Variants in COL23A1 observed in about 807,000 individuals in gnomAD.
COL23A1 encodes collagen alpha-1(XXIII) chain.
A neutral mutation model predicts 99.3 loss-of-function variants in COL23A1; 97 were observed. The observed-to-expected ratio is 0.98, with a 90% confidence interval of 0.83 to 1.16. The LOEUF (loss-of-function observed/expected upper bound fraction) is 1.16. COL23A1 is among the 50% of genes most tolerant of loss of function. COL23A1 has a pLI of 0.00. For synonymous variants in COL23A1, 320 were observed against 308.2 expected (o/e 1.04, Z -0.40); for missense variants, 762 against 757.4 (o/e 1.01, Z -0.07).
intron 2 of COL23A1, among the ~76,000 whole-genome samples, chr5:178,471,139 AAG>A (rs1352509273): frequency 1.3e-5 from 2 of 152,242 alleles, no homozygotes; most frequent in Non-Finnish European, 1.5e-5. Context: ...CAGAGCAGTT[AAG>A]AGAGAGTTAC....
At chr5:178,496,005 C>T (rs1327833949) in intron 2 of COL23A1, among the ~76,000 whole-genome samples, 1 of 152,106 alleles carries the variant, frequency 6.6e-6, no homozygotes, top group African/African-American at 2.4e-5. Flanking sequence ...ACCAGGCAGT[C>T]GAGCTCCAAA....
At chr5:178,506,834 T>C (rs1295510815) in intron 2 of COL23A1, among the ~76,000 whole-genome samples, 1 of 152,232 alleles carries the variant, frequency 6.6e-6, no homozygotes, top group Non-Finnish European at 1.5e-5. Context: ...TAGGTTTTAT[T>C]TGTGGTTCTT....
chr5:178,277,904 G>A (rs565792409), intron 5 of COL23A1, among the ~76,000 whole-genome samples: 1 of 152,312 alleles, frequency 6.6e-6, no homozygotes, highest in African/African-American at 2.4e-5. Flanking sequence ...CTTGACCCCC[G>A]TGGGGTGAGG....
chr5:178,309,598 C>T lies in COL23A1; in HGVS notation c.362-2679G>A, dbSNP rs904715055. Among the ~76,000 whole-genome samples the T allele has an allele frequency of 7.2e-5, 11 of 152,026 alleles. No individual in the cohort carries two copies. Among genetic ancestry groups the T allele is most frequent in the Non-Finnish European group, 1.5e-4 (10 of 67,994 alleles). Reference sequence around the variant, plus strand: ...CTAAATGTCCAACTCCACTGGGAGGCACCACTTCCAAACTCAAGCTCACCT... The same window carrying T: ...CTAAATGTCCAACTCCACTGGGAGGTACCACTTCCAAACTCAAGCTCACCT... On this transcript the variant is annotated intron_variant, in intron 2 of 28. Transcript: ENST00000390654. The surrounding 1 kb of genome is among the most constrained non-coding windows in gnomAD (Gnocchi z 4.7).
intron 3 of COL23A1, among the ~76,000 whole-genome samples, chr5:178,305,391 A>G (rs2127602437): frequency 7.8e-6 from 1 of 128,440 alleles, no homozygotes; most frequent in East Asian, 2.0e-4. Flanking sequence ...AAAACGTGCC[A>G]CTGCCTCCCC....
intron 2 of COL23A1, chr5:178,523,581 T>C (rs1368019500): frequency 6.6e-6 from 1 of 152,100 alleles, no homozygotes; most frequent in African/African-American, 2.4e-5. Context: ...TAGCCACAGA[T>C]GGAAATCTTC....
intron 2 of COL23A1, among the ~76,000 whole-genome samples, chr5:178,496,041 A>C (rs1373891273): frequency 1.3e-5 from 2 of 152,106 alleles, no homozygotes; most frequent in Non-Finnish European, 2.9e-5. Flanking sequence ...GCTTCATTTC[A>C]CCCCTTTGGT....
At chr5:178,325,930 C>A (rs140776985) in intron 2 of COL23A1, among the ~76,000 whole-genome samples, 1 of 152,252 alleles carries the variant, frequency 6.6e-6, no homozygotes, top group East Asian at 1.9e-4. Context: ...GTGGGAAATG[C>A]CAGTTTATGA....
chr5:178,277,762 T>C (rs1461498297), intron 5 of COL23A1, among the ~76,000 whole-genome samples: 1 of 122,712 alleles, frequency 8.1e-6, no homozygotes, highest in African/African-American at 3.2e-5. Flanking sequence ...TTTACAGCAC[T>C]GTGCCTTTGA....
chr5:178,437,008 G>T (rs1157161007), intron 2 of COL23A1, among the ~76,000 whole-genome samples: 1 of 152,176 alleles, frequency 6.6e-6, no homozygotes, highest in Non-Finnish European at 1.5e-5. Flanking sequence ...AAGATCACAA[G>T]GCTGTGTAGA....
rs183438336 is a variant in COL23A1, at chr5:178,525,986, A to C, written c.361+34696T>G. On this transcript the variant is annotated intron_variant, in intron 2 of 28. Coordinates refer to ENST00000390654, the MANE Select transcript of COL23A1 (RefSeq NM_173465.4). ...GGGAAAGCAAACTCATACAAACTTG[A>C]AGATGGTAACAGCTTGAGGTAGTCA... is the stretch of plus-strand genomic sequence containing the variant. Among the ~76,000 whole-genome samples the C allele has an allele frequency of 2.1e-3, 317 of 150,010 alleles. 2 individuals carry two copies. The highest frequency in any genetic ancestry group is 7.6e-3 in the African/African-American group (299 of 39,390).
Position 178,367,340 on chromosome 5 carries a change from C to T in COL23A1, c.362-60421G>A, listed in dbSNP as rs147301952. On this transcript the variant is annotated intron_variant, in intron 2 of 28. Coordinates refer to ENST00000390654, the MANE Select transcript of COL23A1 (RefSeq NM_173465.4). ...GGTGGGTCACGCCTCTCTGTGTGCCCGTTTCTCCTCTGGAGCGGCAAGAAG... is the reference window on the plus strand; with the variant it reads ...GGTGGGTCACGCCTCTCTGTGTGCCTGTTTCTCCTCTGGAGCGGCAAGAAG... Among the ~76,000 whole-genome samples the T allele has an allele frequency of 3.3e-3, 504 of 152,124 alleles. 3 individuals are homozygous for T. The highest frequency in any genetic ancestry group is 0.011 in the African/African-American group (467 of 41,426).
intron 2 of COL23A1, among the ~76,000 whole-genome samples, chr5:178,456,609 A>G (rs1037007500): frequency 6.6e-6 from 1 of 152,172 alleles, no homozygotes; most frequent in Non-Finnish European, 1.5e-5. Context: ...GAGGCAGGAG[A>G]ATTGCTTGAA....
chr5:178,317,892 G>T (rs1179277417), intron 2 of COL23A1, among the ~76,000 whole-genome samples: 1 of 152,130 alleles, frequency 6.6e-6, no homozygotes, highest in Non-Finnish European at 1.5e-5. Context: ...CCAAGCAAAA[G>T]GGGAAACCCC....
In COL23A1 at chr5:178,263,634, C is replaced by G. The variant is rs7709769; in HGVS notation, c.523-310G>C. Among the ~76,000 whole-genome samples the G allele has an allele frequency of 5.3e-3, 804 of 152,202 alleles. 9 individuals are homozygous for G. Among genetic ancestry groups the G allele is most frequent in the Non-Finnish European group, 3.7e-3 (253 of 68,018 alleles). On this transcript the variant is annotated intron_variant, in intron 8 of 28. Transcript: ENST00000390654. ...CACACGCTGCATGTGGGAGACAGCA[C>G]GTGTGTCCAGCTGCCCCCTCTTCTT...
intron 1 of COL23A1, among the ~76,000 whole-genome samples, chr5:178,578,433 C>A (rs1763503957): frequency 6.6e-6 from 1 of 152,184 alleles, no homozygotes; most frequent in South Asian, 2.1e-4. Context: ...AATATAACCG[C>A]CCAAGCCCCA....
At position 178,246,402 on chromosome 5, in the gene COL23A1, T is replaced by C. The variant is rs2127531055; in HGVS notation, c.1348A>G (p.Ser450Gly). The change falls in exon 23 of 29, where the codon AGC (serine) becomes GGC (glycine). Residue 450 changes from serine (S) to glycine (G), a missense_variant. Ser to Gly is a moderately conservative substitution (Grantham distance 56). Coordinates refer to ENST00000390654, the MANE Select transcript of COL23A1 (RefSeq NM_173465.4). ...EKGASGERGP[S>G]GLPGPVGPPG... The stretch of plus-strand genomic sequence containing the variant: ...CTTGTGAGACTCACAGGCAGGCCGC[T>C]GGGGCCTCTCTCACCCGACGCACCC... 6.3e-7 allele frequency: 1 copy of C among 1,580,218 alleles called. No homozygotes were observed.
At chr5:178,349,824 G>A (rs2913803) in intron 2 of COL23A1, among the ~76,000 whole-genome samples, 89,030 of 151,930 alleles carry the variant, frequency 0.59, 26,546 homozygotes, top group East Asian at 0.76. Context: ...CCACTAGTGG[G>A]TGTGATCTAG....
intron 1 of COL23A1, among the ~76,000 whole-genome samples, chr5:178,588,146 C>T (rs114310392): frequency 6.6e-6 from 1 of 152,246 alleles, no homozygotes; most frequent in African/African-American, 2.4e-5. Flanking sequence ...AGAGAGAACA[C>T]ACACCCTGTC....
Sources: allele counts gnomAD v4.1 joint callset (sites outside exome capture counted in the v4.1 genomes callset), GRCh38; gene constraint gnomAD v4.1.1; non-coding constraint Gnocchi (gnomAD v3.1); transcripts MANE v1.5; gene names NCBI Gene and HGNC (gene_info 2026-07-23, HGNC 2026-07-21).